Variants in MFSD11 observed in about 807,000 individuals in gnomAD.
The protein encoded by MFSD11 is UNC93-like protein MFSD11.
MFSD11 carries 36 observed loss-of-function variants against 53.5 expected under a neutral mutation model. That is an observed-to-expected ratio of 0.67 (90% CI 0.52 to 0.89). The LOEUF (loss-of-function observed/expected upper bound fraction) is 0.89, where lower values mean the gene tolerates loss of function less well. Among genes scored for constraint, MFSD11 ranks in the 40% least tolerant of loss-of-function variants. The probability of loss-of-function intolerance (pLI) is 0.00; values close to 1 mark genes in which losing one functional copy is unlikely to be tolerated. For missense variants in MFSD11, 530 were observed against 543.9 expected (o/e 0.97, Z 0.25); for synonymous variants, 186 against 184.9 (o/e 1.01, Z -0.05).
intron 7 of MFSD11, among the ~76,000 whole-genome samples, chr17:76,751,524 C>A (rs575447373): frequency 6.6e-6 from 1 of 151,604 alleles, no homozygotes; most frequent in Non-Finnish European, 1.5e-5. Flanking sequence ...AATACTGTCT[C>A]TGCAAAAATT....
the MFSD11 span, among the ~76,000 whole-genome samples, chr17:76,790,670 T>C: frequency 2.1e-5 from 3 of 146,196 alleles, no homozygotes; most frequent in African/African-American, 7.7e-5. Flanking sequence ...AGAAATAGTC[T>C]AACTCGGCCG....
intron 8 of MFSD11, among the ~76,000 whole-genome samples, chr17:76,766,192 G>A (rs2080834100): frequency 6.6e-6 from 1 of 151,630 alleles, no homozygotes; most frequent in African/African-American, 2.4e-5. Context: ...CGAGGTGGGT[G>A]GATCACCTGA....
the MFSD11 span, among the ~76,000 whole-genome samples, chr17:76,789,678 G>A: frequency 4.7e-5 from 7 of 149,792 alleles, no homozygotes; most frequent in Admixed American, 4.0e-4. Flanking sequence ...GACCTGATAG[G>A]GGCCCTCTCC....
downstream of MFSD11, among the ~76,000 whole-genome samples, chr17:76,785,227 C>G (rs960278074): frequency 6.6e-6 from 1 of 152,204 alleles, no homozygotes; most frequent in Non-Finnish European, 1.5e-5. Context: ...AAGACAAATA[C>G]TGCTTGATTT....
At chr17:76,803,413 A>G in the MFSD11 span, among the ~76,000 whole-genome samples, 6 of 152,174 alleles carry the variant, frequency 3.9e-5, no homozygotes, top group Non-Finnish European at 8.8e-5. Flanking sequence ...TGGAGACTAG[A>G]CTGCCTTTGT....
chr17:76,754,912 CT>C (rs1306449690), intron 8 of MFSD11, among the ~76,000 whole-genome samples: 3 of 151,968 alleles, frequency 2.0e-5, no homozygotes, highest in South Asian at 4.2e-4. Flanking sequence ...AAAACTGAGG[CT>C]TAGAGAAATT....
chr17:76,776,786 G>A lies in MFSD11; in HGVS notation c.1185+245G>A, dbSNP rs2081871800. 1.3e-5 allele frequency among the ~76,000 whole-genome samples: 2 copies of A among 151,788 alleles called. No homozygotes were observed. The highest frequency in any genetic ancestry group is 2.9e-5 in the Non-Finnish European group (2 of 67,974). On this transcript the variant is annotated intron_variant, in intron 12 of 12. Coordinates refer to ENST00000685175, the MANE Select transcript of MFSD11 (RefSeq NM_001242532.5). The surrounding 1 kb of genome is among the most constrained non-coding windows in gnomAD (Gnocchi z 4.2). ...CTCCTGAGTAGCTGAGATTACAGGTGCACACCACCATGCCTGGCTAATTTT... is the reference window on the plus strand; with the variant it reads ...CTCCTGAGTAGCTGAGATTACAGGTACACACCACCATGCCTGGCTAATTTT...
intron 8 of MFSD11, among the ~76,000 whole-genome samples, chr17:76,760,211 G>A (rs1223166667): frequency 6.6e-5 from 10 of 151,626 alleles, no homozygotes; most frequent in Admixed American, 2.0e-4. Flanking sequence ...GGGTGGTGGC[G>A]GGGCAGAGGT....
Position 76,776,651 on chromosome 17 carries a change from TTA to T in MFSD11, c.1185+112_1185+113del. The T allele has an allele frequency of 9.0e-7, 1 of 1,115,034 alleles. No individual in the cohort carries two copies. The highest frequency in any genetic ancestry group is 2.0e-5 in the South Asian group (1 of 49,240). 69.1% of individuals were successfully genotyped at this position (1,115,034 alleles called of 1,614,324 possible). On this transcript the variant is annotated intron_variant, in intron 12 of 12. Coordinates refer to ENST00000685175, the MANE Select transcript of MFSD11 (RefSeq NM_001242532.5). The surrounding 1 kb of genome is among the most constrained non-coding windows in gnomAD (Gnocchi z 4.2). The stretch of plus-strand genomic sequence containing the variant: ...GGTTTTAATTTTTATTTATTTATTT[TTA>T]TTTTTTTGATAGAGTCTCTCTCTGT...
downstream of MFSD11, among the ~76,000 whole-genome samples, chr17:76,780,550 CTG>C (rs2082137858): frequency 6.7e-6 from 1 of 149,758 alleles, no homozygotes; most frequent in East Asian, 2.0e-4. Flanking sequence ...GCGTCTCACT[CTG>C]TTGCCCAGGC....
intron 10 of MFSD11, among the ~76,000 whole-genome samples, chr17:76,771,727 A>G (rs2081387730): frequency 1.3e-5 from 2 of 152,232 alleles, no homozygotes; most frequent in Admixed American, 6.5e-5. Flanking sequence ...TTTCAGCAGA[A>G]CTTAGTAACC....
the MFSD11 span, among the ~76,000 whole-genome samples, chr17:76,797,643 C>A: frequency 6.6e-6 from 1 of 152,068 alleles, no homozygotes; most frequent in Non-Finnish European, 1.5e-5. Flanking sequence ...CATCCTGTGA[C>A]TAAGAATGCC....
Position 76,767,421 on chromosome 17 carries a change from C to T in MFSD11, c.718C>T (p.Leu240Phe), listed in dbSNP as rs777225805. The change falls in exon 9 of 13, where the codon CTC becomes TTC. Residue 240 changes from leucine (L) to phenylalanine (F), a missense_variant. Transcript: ENST00000685175. Reference protein sequence around the residue: ...SFKLCVTKEMLLLSITTAYTG... With the variant: ...SFKLCVTKEMFLLSITTAYTG... ...TAAGTTATGTGTCACCAAGGAGATG[C>T]TCCTTCTTAGTATTACAACTGCTTA... 54 of 1,602,630 alleles carry T rather than the reference C, an allele frequency of 3.4e-5. No individual in the cohort carries two copies. The highest frequency in any genetic ancestry group is 4.5e-5 in the Non-Finnish European group (53 of 1,170,606).
In MFSD11 at chr17:76,740,999, T is replaced by G; in HGVS notation, c.195T>G (p.Ile65Met). Reference sequence around the variant, plus strand: ...GAGTGTTCTCTGCTTCAAATTTGATTACACCGTCAGTGGTTGCCATTGTAG... The same window carrying G: ...GAGTGTTCTCTGCTTCAAATTTGATGACACCGTCAGTGGTTGCCATTGTAG... ...IYGVFSASNL[I>M]TPSVVAIVGP... Residue 65 changes from isoleucine to methionine, a missense_variant, in exon 3 of 13, where the codon ATT (isoleucine) becomes ATG (methionine). Physicochemically the swap from Ile to Met is conservative, Grantham distance 10. Transcript: ENST00000685175. The G allele has an allele frequency of 6.2e-7, 1 of 1,613,554 alleles. No homozygotes were observed. Among genetic ancestry groups the G allele is most frequent in the Non-Finnish European group, 8.5e-7 (1 of 1,179,602 alleles).
chr17:76,751,173 G>A (rs2079020482), intron 7 of MFSD11, among the ~76,000 whole-genome samples: 1 of 149,894 alleles, frequency 6.7e-6, no homozygotes, highest in Non-Finnish European at 1.5e-5. Flanking sequence ...GGCGGGTCAC[G>A]AGGTCAGGAG....
the MFSD11 span, among the ~76,000 whole-genome samples, chr17:76,802,772 C>T: frequency 6.6e-6 from 1 of 152,084 alleles, no homozygotes; most frequent in Non-Finnish European, 1.5e-5. Flanking sequence ...CCAGCTACCG[C>T]ATGAGTACAC....
chr17:76,762,116 C>G (rs999483448), intron 8 of MFSD11, among the ~76,000 whole-genome samples: 2 of 152,046 alleles, frequency 1.3e-5, no homozygotes, highest in Non-Finnish European at 2.9e-5. Flanking sequence ...TAAGGCACTC[C>G]CAACTTTCTC....
intron 2 of MFSD11, among the ~76,000 whole-genome samples, chr17:76,739,955 A>G (rs2077895881): frequency 6.6e-6 from 1 of 151,956 alleles, no homozygotes; most frequent in African/African-American, 2.4e-5. Flanking sequence ...TCACGAGGTC[A>G]GGAGATCTAG....
intron 8 of MFSD11, among the ~76,000 whole-genome samples, chr17:76,761,920 C>CA (rs35384637): frequency 0.059 from 6,556 of 110,942 alleles, 435 homozygotes; most frequent in African/African-American, 0.19. Flanking sequence ...GACTCCGTCT[C>CA]AAAAAAAAAA....
Sources: gnomAD v4.1 joint callset for allele counts (sites outside exome capture counted in the v4.1 genomes callset) on GRCh38, gnomAD v4.1.1 for gene constraint, Gnocchi (gnomAD v3.1) non-coding constraint, MANE v1.5 for transcripts, NCBI Gene and HGNC (gene_info 2026-07-23, HGNC 2026-07-21) for gene names.